Variants in WDFY4 observed in about 807,000 individuals in gnomAD.
WDFY4 encodes WDFY family member 4.
In WDFY4, 169 loss-of-function variants were observed where a neutral mutation model predicts 351.9. That is an observed-to-expected ratio of 0.48 (90% confidence interval 0.42 to 0.55). The LOEUF is 0.55. Ranked by LOEUF, WDFY4 falls within the 20% of genes least tolerant of loss-of-function variation. The pLI, the probability that WDFY4 is intolerant of heterozygous loss-of-function variation, is 0.00. For missense variants in WDFY4, 3,803 were observed against 3,935.6 expected, an observed-to-expected ratio of 0.97 and a Z score of 0.90; for synonymous variants, 1,622 against 1,574.6, an observed-to-expected ratio of 1.03 and a Z score of -0.71.
chr10:48,695,150 A>G (rs1388029787), intron 1 of WDFY4, among the ~76,000 whole-genome samples: 1 of 152,250 alleles, frequency 6.6e-6, no homozygotes, highest in Non-Finnish European at 1.5e-5. Flanking sequence ...ATGCTGGCCA[A>G]GGAGTGTCCA....
At chr10:48,799,751 C>T (rs1040175724) in intron 24 of WDFY4, among the ~76,000 whole-genome samples, 22 of 152,176 alleles carry the variant, frequency 1.4e-4, no homozygotes, top group African/African-American at 4.6e-4. Context: ...CCAGCCTGGG[C>T]GACAAGAGCG....
At position 48,966,849 on chromosome 10, in the gene WDFY4, C is replaced by G. The variant is rs917908262; in HGVS notation, c.8584+176C>G. On this transcript the variant is annotated intron_variant, in intron 55 of 61. Coordinates refer to ENST00000325239, the MANE Select transcript of WDFY4 (RefSeq NM_001394531.1). Reference sequence around the variant, plus strand: ...GGGGGGTGTCATCTCTGGGAAGTGTCTAGGAGCTCCTCTGTTAGACCCTAA... The same window carrying G: ...GGGGGGTGTCATCTCTGGGAAGTGTGTAGGAGCTCCTCTGTTAGACCCTAA... 9.4e-6 allele frequency: 8 copies of G among 854,096 alleles called. No homozygotes were observed. The African/African-American group carries it at 1.4e-4, about 15-fold the overall frequency. 52.9% of individuals were successfully genotyped at this position (854,096 alleles called of 1,614,324 possible).
chr10:48,968,957 G>C, intron 55 of WDFY4, 107 bp from the exon 56 acceptor site: 1 of 1,181,304 alleles, frequency 8.5e-7, no homozygotes, highest in South Asian at 1.5e-5. Flanking sequence ...GTCCTTCCAT[G>C]CTTAAGTTCA....
intron 12 of WDFY4, among the ~76,000 whole-genome samples, chr10:48,755,635 A>G (rs1316068369): frequency 6.6e-6 from 1 of 152,022 alleles, no homozygotes; most frequent in Admixed American, 6.6e-5. Context: ...TTTTCCATTG[A>G]ATTGTCTTTA....
At chr10:48,809,495 A>G (rs935774549) in intron 28 of WDFY4, among the ~76,000 whole-genome samples, 2 of 151,870 alleles carry the variant, frequency 1.3e-5, no homozygotes, top group African/African-American at 4.8e-5. Context: ...CATCATAACC[A>G]CTACCACCAT....
At chr10:48,822,250 A>T in intron 34 of WDFY4, 130 bp from the exon 35 acceptor site, 1 of 1,023,984 alleles carries the variant, frequency 9.8e-7, no homozygotes, top group Non-Finnish European at 1.3e-6. Flanking sequence ...TCAGTACAAG[A>T]CTCCATCTTT....
In WDFY4 at chr10:48,969,203, C is replaced by G. The variant is rs924652533; in HGVS notation, c.8724C>G (p.Gly2908=). 2.6e-6 allele frequency: 4 copies of G among 1,551,510 alleles called. No individual in the cohort carries two copies. The African/African-American group carries it at 5.5e-5, about 21-fold the overall frequency. ...PPLWNRTFSW[G]FDDFSCCLGS... ...TCTGGAACAGGACCTTCAGCTGGGG[C>G]TTTGATGACTTCAGCTGCTGCTTGG... Residue 2908 remains glycine (G), a synonymous_variant, in exon 56 of 62, where the codon GGC becomes GGG. Transcript: ENST00000325239.
At chr10:48,707,479 C>T (rs2063661693) in intron 1 of WDFY4, among the ~76,000 whole-genome samples, 1 of 152,228 alleles carries the variant, frequency 6.6e-6, no homozygotes, top group Non-Finnish European at 1.5e-5. Context: ...ATGTCCACCC[C>T]AGCCCTGTGT....
chr10:48,810,476 C>G, intron 28 of WDFY4, 54 bp from the exon 29 acceptor site: 2 of 1,484,030 alleles, frequency 1.3e-6, no homozygotes, highest in Non-Finnish European at 9.0e-7. Context: ...ATTTTCTGGA[C>G]ATGTCACTCG....
chr10:48,964,181 T>C (rs984385592), intron 54 of WDFY4, 127 bp downstream of exon 54: 83 of 1,054,386 alleles, frequency 7.9e-5, no homozygotes, highest in Admixed American at 3.5e-4. Context: ...CATCTTCCTG[T>C]GCTTTCAATA....
At chr10:48,732,216 G>A (rs2064486484) in intron 9 of WDFY4, among the ~76,000 whole-genome samples, 1 of 152,180 alleles carries the variant, frequency 6.6e-6, no homozygotes, top group Non-Finnish European at 1.5e-5. Flanking sequence ...ATGCTCCCCA[G>A]CACATATCCT....
intron 1 of WDFY4, among the ~76,000 whole-genome samples, chr10:48,692,671 A>G (rs1174310257): frequency 2.0e-5 from 3 of 152,166 alleles, no homozygotes; most frequent in African/African-American, 7.2e-5. Flanking sequence ...CACTGAGGAA[A>G]ATGATTGATT....
intron 40 of WDFY4, among the ~76,000 whole-genome samples, chr10:48,869,667 C>T (rs1444530310): frequency 6.6e-6 from 1 of 152,060 alleles, no homozygotes; most frequent in Admixed American, 6.6e-5. Context: ...GCCTCTCTTG[C>T]TCTGTCTGTT....
chr10:48,813,700 C>T (rs2067529438), intron 30 of WDFY4, among the ~76,000 whole-genome samples: 2 of 152,226 alleles, frequency 1.3e-5, no homozygotes, highest in African/African-American at 4.8e-5. Flanking sequence ...AGCATATTTA[C>T]TTATGATGTC....
At chr10:48,926,806 C>G (rs1839608497) in intron 47 of WDFY4, among the ~76,000 whole-genome samples, 1 of 152,182 alleles carries the variant, frequency 6.6e-6, no homozygotes, top group Admixed American at 6.5e-5. Flanking sequence ...GTTTATGGGG[C>G]ACACATAATG....
chr10:48,705,353 TGCCTCCTTCATTGCCCTACCCTCACCCTG>T (rs1565111162), intron 1 of WDFY4, among the ~76,000 whole-genome samples: 1 of 152,160 alleles, frequency 6.6e-6, no homozygotes, highest in East Asian at 1.9e-4. Context: ...AGGAGGTGAG[TGCCTCCTTCATTGCCCTACCCTCACCCTG>T]GCCTCGCCTG....
chr10:48,977,111 G>A, intron 59 of WDFY4, 132 bp downstream of exon 59: 1 of 886,856 alleles, frequency 1.1e-6, no homozygotes, highest in Non-Finnish European at 1.5e-6. Context: ...CTACAGCAAA[G>A]GAAGGGAAAA....
chr10:48,736,140 G>A, intron 11 of WDFY4, 70 bp downstream of exon 11: 1 of 1,529,010 alleles, frequency 6.5e-7, no homozygotes, highest in Non-Finnish European at 8.9e-7. Context: ...ATTTGCTCAG[G>A]CATTTGTATT....
At chr10:48,790,976 A>G in intron 23 of WDFY4, 59 bp downstream of exon 23, 1 of 1,529,994 alleles carries the variant, frequency 6.5e-7, no homozygotes, top group Non-Finnish European at 8.8e-7. Flanking sequence ...TCCCTGGGAA[A>G]CAGGGACAAG....
Sources: gnomAD v4.1 joint callset for allele counts (sites outside exome capture counted in the v4.1 genomes callset) on GRCh38, gnomAD v4.1.1 for gene constraint, MANE v1.5 for transcripts, NCBI Gene and HGNC (gene_info 2026-07-23, HGNC 2026-07-21) for gene names.